The following ELAVL2 variants were observed in gnomAD, a reference collection of about 807,000 sequenced individuals.
ELAVL2 encodes the protein ELAV like RNA binding protein 2.
ELAVL2 carries 4 observed loss-of-function variants against 34.6 expected under a neutral mutation model. The ratio of observed to expected loss-of-function variants is 0.12; its 90% CI spans 0.06 to 0.26. The LOEUF is 0.26. Ranked by LOEUF, ELAVL2 falls within the 10% of genes least tolerant of loss-of-function variation. The pLI, the probability that ELAVL2 is intolerant of heterozygous loss-of-function variation, is 1.00. For synonymous variants in ELAVL2, 193 were observed against 154.8 expected, an observed-to-expected ratio of 1.25 and a Z score of -1.83; for missense variants, 432 against 442.8, an observed-to-expected ratio of 0.98 and a Z score of 0.22.
intron 3 of ELAVL2, among the ~76,000 whole-genome samples, chr9:23,719,548 T>A (rs185652428): frequency 3.1e-4 from 47 of 152,350 alleles, no homozygotes; most frequent in African/African-American, 1.0e-3. Flanking sequence ...GTAAGCCTTT[T>A]GGCAAGAGTA....
chr9:23,793,799 C>G (rs901047114), intron 1 of ELAVL2, among the ~76,000 whole-genome samples: 1 of 152,068 alleles, frequency 6.6e-6, no homozygotes, highest in African/African-American at 2.4e-5. Flanking sequence ...CACCTCCAAA[C>G]TTTTATAACT....
In ELAVL2 at chr9:23,744,277, T is replaced by C. The variant is rs1008833782; in HGVS notation, c.230-13152A>G. Among the ~76,000 whole-genome samples the C allele has an allele frequency of 2.0e-5, 3 of 152,204 alleles. No homozygotes were observed. In the East Asian group the frequency reaches 5.8e-4, roughly 29 times the overall value. ...CTTGTTAAAAGAGGTTCCTACAATG[T>C]AGAATGCCATACAAAATGTTAGGTA... On this transcript the variant is annotated intron_variant, in intron 2 of 6. Transcript: ENST00000397312.
At chr9:23,725,623 A>T (rs1181711796) in intron 3 of ELAVL2, among the ~76,000 whole-genome samples, 1 of 152,136 alleles carries the variant, frequency 6.6e-6, no homozygotes, top group Middle Eastern at 3.2e-3. Context: ...TTATAATGAT[A>T]AAGAAAAACC....
At chr9:23,749,511 C>A (rs1156448898) in intron 2 of ELAVL2, among the ~76,000 whole-genome samples, 1 of 147,770 alleles carries the variant, frequency 6.8e-6, no homozygotes, top group African/African-American at 2.5e-5. Flanking sequence ...TTTAGAGACA[C>A]TTCCCACCTT....
intron 3 of ELAVL2, among the ~76,000 whole-genome samples, chr9:23,705,684 T>A (rs73468799): frequency 0.049 from 7,515 of 152,270 alleles, 606 homozygotes; most frequent in African/African-American, 0.17. Context: ...TCCTTGCATG[T>A]GCAGTTCAAA....
At chr9:23,811,199 A>C (rs925089286) in intron 1 of ELAVL2, among the ~76,000 whole-genome samples, 2 of 152,142 alleles carry the variant, frequency 1.3e-5, no homozygotes, top group Admixed American at 6.5e-5. Flanking sequence ...TTTGGGAAAA[A>C]ATTTTTTCAA....
At chr9:23,829,029 CAT>C (rs551037302), upstream of ELAVL2, among the ~76,000 whole-genome samples, 182 of 152,268 alleles carry the variant, frequency 1.2e-3, no homozygotes, top group Non-Finnish European at 1.6e-3. Flanking sequence ...CCTTTTCACT[CAT>C]AGTTTGGTAA....
Position 23,692,466 on chromosome 9 carries a change from T to A in ELAVL2, c.*91A>T. On this transcript the variant is annotated 3_prime_UTR_variant, in exon 7 of 7. Transcript: ENST00000397312. ...ATTTTATCCCCATCTCAACACTGAC[T>A]TACAAAGACATTTACTAATGTATAA... 7.4e-7 allele frequency: 1 copy of A among 1,354,766 alleles called. No individual in the cohort carries two copies. Among genetic ancestry groups the A allele is most frequent in the Non-Finnish European group, 9.9e-7 (1 of 1,006,488 alleles). 83.9% of individuals were successfully genotyped at this position (1,354,766 alleles called of 1,614,324 possible). A position where few individuals can be genotyped will look rare whatever the true frequency, so the allele number is the denominator to read the frequency against.
chr9:23,760,535 T>C lies in ELAVL2; in HGVS notation c.229+1471A>G, dbSNP rs529073802. Among the ~76,000 whole-genome samples the C allele has an allele frequency of 5.9e-5, 9 of 152,132 alleles. No homozygotes were observed. In the East Asian group the frequency reaches 1.7e-3, roughly 29 times the overall value. On this transcript the variant is annotated intron_variant, in intron 2 of 6. Transcript: ENST00000397312. Reference sequence around the variant, plus strand: ...CATGTTAAAAAGATGTTTAAAAACATCACGACAGAGACGTAAGAGCAGCCT... The same window carrying C: ...CATGTTAAAAAGATGTTTAAAAACACCACGACAGAGACGTAAGAGCAGCCT...
chr9:23,710,463 A>G (rs892574319), intron 3 of ELAVL2, among the ~76,000 whole-genome samples: 9 of 152,208 alleles, frequency 5.9e-5, no homozygotes, highest in African/African-American at 2.2e-4. Flanking sequence ...AGTGGACATT[A>G]ATACCAATAG....
chr9:23,794,220 T>G (rs1477245408), intron 1 of ELAVL2, among the ~76,000 whole-genome samples: 1 of 152,174 alleles, frequency 6.6e-6, no homozygotes, highest in Non-Finnish European at 1.5e-5. Context: ...GGCAAAGAAA[T>G]GACACCAATG....
At chr9:23,746,227 G>T (rs879864781) in intron 2 of ELAVL2, among the ~76,000 whole-genome samples, 8 of 152,254 alleles carry the variant, frequency 5.3e-5, no homozygotes, top group Non-Finnish European at 1.0e-4. Context: ...GCTATGGCAA[G>T]TTCACAACAG....
chr9:23,805,152 A>G (rs2062049213), intron 1 of ELAVL2, among the ~76,000 whole-genome samples: 1 of 152,218 alleles, frequency 6.6e-6, no homozygotes, highest in South Asian at 2.1e-4. Context: ...ATAAAAAGCC[A>G]TTTCAAAAAT....
At chr9:23,759,754 T>TTTTTTATATA (rs1279843264) in intron 2 of ELAVL2, among the ~76,000 whole-genome samples, 1 of 81,344 alleles carries the variant, frequency 1.2e-5, no homozygotes, top group African/African-American at 4.3e-5. Flanking sequence ...ATATATAGTA[T>TTTTTTATATA]TATATATATA....
In ELAVL2 at chr9:23,690,904, T is replaced by A. The variant is rs1386476818; in HGVS notation, c.*1653A>T. 1 of 152,582 alleles carries A rather than the reference T, an allele frequency of 6.6e-6. No individual in the cohort carries two copies. Among genetic ancestry groups the A allele is most frequent in the African/African-American group, 2.4e-5 (1 of 41,456 alleles). 9.5% of individuals were successfully genotyped at this position (152,582 alleles called of 1,614,324 possible). On this transcript the variant is annotated 3_prime_UTR_variant, in exon 7 of 7. Transcript: ENST00000397312. ...TACATGGTAAAGACTTATTTTATTA[T>A]TTCCCCAAATAGTGGTTTTTAAGCA...
In ELAVL2 at chr9:23,804,242, C is replaced by T. The variant is rs573839412; in HGVS notation, c.-16+21564G>A. ...AGGCAGGAGTGCAATGGCATGATCT[C>T]GGCTCACAGCAACCTCCACCTCCTG... On this transcript the variant is annotated intron_variant, in intron 1 of 6. Coordinates refer to ENST00000397312, the MANE Select transcript of ELAVL2 (RefSeq NM_004432.5). 4.2e-4 allele frequency among the ~76,000 whole-genome samples: 64 copies of T among 151,002 alleles called. No individual in the cohort carries two copies. In the South Asian group the frequency reaches 5.9e-3, roughly 14 times the overall value.
chr9:23,701,369 C>G lies in ELAVL2; in HGVS notation c.713+10G>C. ...TTAGTAGCTGGGCACAAGAACCAAA[C>G]CAGACTTACCTAAAACGCTGTGCCT... On this transcript the variant is annotated intron_variant, in intron 5 of 6. Transcript: ENST00000397312. The G allele has an allele frequency of 6.2e-7, 1 of 1,613,830 alleles. No individual in the cohort carries two copies. The highest frequency in any genetic ancestry group is 8.5e-7 in the Non-Finnish European group (1 of 1,179,782).
At chr9:23,802,873 AT>A (rs1034608798) in intron 1 of ELAVL2, among the ~76,000 whole-genome samples, 1 of 152,158 alleles carries the variant, frequency 6.6e-6, no homozygotes, top group Admixed American at 6.5e-5. Flanking sequence ...CTTTAAAAAT[AT>A]TTTTTAATAT....
rs577483297 is a variant in ELAVL2, at chr9:23,694,976, A to C, written c.714-1490T>G. Reference sequence around the variant, plus strand: ...TAATAAATATGTGATGACCAAATAAAGACAATGAGGTTACCAAAATTATGG... The same window carrying C: ...TAATAAATATGTGATGACCAAATAACGACAATGAGGTTACCAAAATTATGG... On this transcript the variant is annotated intron_variant, in intron 5 of 6. Coordinates refer to ENST00000397312, the MANE Select transcript of ELAVL2 (RefSeq NM_004432.5). 7.9e-5 allele frequency among the ~76,000 whole-genome samples: 12 copies of C among 152,336 alleles called. No individual in the cohort carries two copies. The East Asian group carries it at 2.3e-3, about 29-fold the overall frequency.
Sources: gnomAD v4.1 joint callset for allele counts (sites outside exome capture counted in the v4.1 genomes callset) on GRCh38, gnomAD v4.1.1 for gene constraint, MANE v1.5 for transcripts, NCBI Gene and HGNC (gene_info 2026-07-23, HGNC 2026-07-21) for gene names.